CCDC33: variants seen among roughly 807,000 people sequenced by gnomAD.
CCDC33 encodes the protein coiled-coil domain-containing protein 33.
CCDC33 carries 94 observed loss-of-function variants against 91.9 expected under a neutral mutation model. The observed-to-expected ratio is 1.02, with a 90% confidence interval of 0.87 to 1.21. The LOEUF (loss-of-function observed/expected upper bound fraction) is 1.21. Ranked by LOEUF, CCDC33 falls within the 50% of genes most tolerant of loss-of-function variation. The pLI is 0.00. For missense variants in CCDC33, 940 were observed against 935.5 expected (o/e 1.00, Z -0.06); for synonymous variants, 396 against 374.5 (o/e 1.06, Z -0.66).
intron 11 of CCDC33, among the ~76,000 whole-genome samples, chr15:74,322,093 A>T (rs565452657): frequency 1.3e-5 from 2 of 152,132 alleles, no homozygotes; most frequent in Admixed American, 6.5e-5. Flanking sequence ...AAAGTTGGAA[A>T]TTTACCATGA....
chr15:74,329,867 C>G (rs1012068489), intron 11 of CCDC33, among the ~76,000 whole-genome samples: 3 of 152,184 alleles, frequency 2.0e-5, no homozygotes, highest in African/African-American at 4.8e-5. Context: ...CAAACCTGGC[C>G]CTGGATCTTC....
At position 74,218,598 on chromosome 15, in the gene CCDC33, A is replaced by G. The variant is rs1415959269; in HGVS notation, c.412A>G (p.Ile138Val). Residue 138 changes from isoleucine to valine, a missense_variant, in exon 2 of 3, where the codon ATC becomes GTC. By Grantham distance (29) the Ile-to-Val change is conservative. Transcript: ENST00000635913. This position sits in a 1 kb window ranked among gnomAD's most constrained non-coding sequence, Gnocchi z 4.8. ...GGCAGCCCAGCGGGTGGGTGAGGCC[A>G]TCTTCCCCATCTACCCGAGGCCAGA... 1.6e-6 allele frequency: 2 copies of G among 1,289,782 alleles called. No individual in the cohort carries two copies. The highest frequency in any genetic ancestry group is 2.3e-5 in the Admixed American group (1 of 43,566). The allele number at this position is 1,289,782 out of a possible 1,614,324, so 79.9% of individuals were successfully genotyped here.
At chr15:74,247,367 T>TAC (rs2075565913) in intron 2 of CCDC33, among the ~76,000 whole-genome samples, 1 of 53,900 alleles carries the variant, frequency 1.9e-5, no homozygotes, top group Non-Finnish European at 7.3e-5. Flanking sequence ...CATATATATA[T>TAC]ATATACACAC....
upstream of CCDC33, among the ~76,000 whole-genome samples, chr15:74,232,605 A>G (rs967411696): frequency 6.6e-6 from 1 of 152,030 alleles, no homozygotes; most frequent in Admixed American, 6.6e-5. Context: ...GCTGAGTTGG[A>G]TGAGGTGGGA....
At chr15:74,272,960 T>A (rs2076360596) in intron 7 of CCDC33, 69 bp downstream of exon 7, 1 of 1,586,556 alleles carries the variant, frequency 6.3e-7, no homozygotes, top group Admixed American at 1.7e-5. Context: ...ACTCACTCAG[T>A]GAGTCAGTCA....
At chr15:74,306,246 G>T (rs1385370867) in intron 11 of CCDC33, among the ~76,000 whole-genome samples, 1 of 152,200 alleles carries the variant, frequency 6.6e-6, no homozygotes, top group African/African-American at 2.4e-5. Flanking sequence ...GGAGGAGGAT[G>T]TGGTCAGGAC....
chr15:74,324,175 T>G (rs879596081), intron 11 of CCDC33, among the ~76,000 whole-genome samples: 7 of 151,138 alleles, frequency 4.6e-5, no homozygotes, highest in Non-Finnish European at 7.4e-5. Context: ...AGCATGCCTC[T>G]CGAATCACTC....
At chr15:74,294,974 G>A (rs2059655793) in intron 10 of CCDC33, among the ~76,000 whole-genome samples, 1 of 152,182 alleles carries the variant, frequency 6.6e-6, no homozygotes, top group African/African-American at 2.4e-5. Context: ...AACGGGAAAA[G>A]AACATGGAGG....
chr15:74,227,561 G>T (rs565077658), intron 2 of CCDC33, among the ~76,000 whole-genome samples: 4 of 152,184 alleles, frequency 2.6e-5, no homozygotes, highest in Non-Finnish European at 4.4e-5. Context: ...GGATGGAGTT[G>T]GGGCTGTCAG....
chr15:74,221,815 G>A (rs2074605205), intron 2 of CCDC33, among the ~76,000 whole-genome samples: 1 of 152,108 alleles, frequency 6.6e-6, no homozygotes, highest in South Asian at 2.1e-4. Context: ...GAGGCTCAGG[G>A]TGCTTCCTTT....
chr15:74,245,686 G>C (rs1480278917), intron 2 of CCDC33, among the ~76,000 whole-genome samples: 1 of 150,926 alleles, frequency 6.6e-6, no homozygotes, highest in Non-Finnish European at 1.5e-5. Context: ...CTGGGTGGGG[G>C]TTCGGAGAGC....
At chr15:74,259,501 C>G (rs889575305) in intron 2 of CCDC33, among the ~76,000 whole-genome samples, 2 of 152,162 alleles carry the variant, frequency 1.3e-5, no homozygotes, top group Non-Finnish European at 1.5e-5. Context: ...GAGAGCCTCC[C>G]TCCACCTGCT....
chr15:74,309,610 G>A (rs551553469), intron 11 of CCDC33, among the ~76,000 whole-genome samples: 4 of 152,004 alleles, frequency 2.6e-5, no homozygotes, highest in South Asian at 2.1e-4. Flanking sequence ...AGCTTCTGGC[G>A]CCTTTTTTTC....
chr15:74,242,906 G>A (rs911362690), intron 1 of CCDC33, among the ~76,000 whole-genome samples: 3 of 152,034 alleles, frequency 2.0e-5, no homozygotes, highest in Admixed American at 6.6e-5. Flanking sequence ...TGCTGCCTTC[G>A]CTCCAGTGTT....
Position 74,331,107 on chromosome 15 carries a change from G to A in CCDC33, c.1672G>A (p.Glu558Lys). 2 of 1,613,494 alleles carry A rather than the reference G, an allele frequency of 1.2e-6. No individual in the cohort carries two copies. The highest frequency in any genetic ancestry group is 1.1e-5 in the South Asian group (1 of 91,006). The change falls in exon 14 of 19, where the codon GAG (glutamate) becomes AAG (lysine). Residue 558 changes from glutamate to lysine, a missense_variant. Glu to Lys is a moderately conservative substitution (Grantham distance 56). Coordinates refer to ENST00000398814, the MANE Select transcript of CCDC33 (RefSeq NM_025055.5). ...GCTGGAGGAGACTGTGCGGCACCAA[G>A]AGAAGGCAGGTGGCAGAGGGGCTGC... ...KALEETVRHQEKVIEKMERVL... is the reference protein window; with the variant it reads ...KALEETVRHQKKVIEKMERVL...
At chr15:74,221,216 G>GTTTTTTT (rs56039521) in intron 2 of CCDC33, 28 of 676,404 alleles carry the variant, frequency 4.1e-5, no homozygotes, top group South Asian at 1.6e-4. Flanking sequence ...TGTGGCACTG[G>GTTTTTTT]TTTTTTTTTT....
chr15:74,218,941 C>G lies in CCDC33; in HGVS notation c.675+80C>G, dbSNP rs541046462. ...AGCCTCCGTGATAAGCCAGGCTACC[C>G]CCTGTCCTGAGCTGAGCTGAGCAGA... On this transcript the variant is annotated intron_variant, in intron 2 of 2. Transcript: ENST00000635913. This position sits in a 1 kb window ranked among gnomAD's most constrained non-coding sequence, Gnocchi z 4.8. 1.4e-5 allele frequency: 16 copies of G among 1,181,806 alleles called. No homozygotes were observed. The East Asian group carries it at 9.3e-4, about 69-fold the overall frequency. The allele number at this position is 1,181,806 out of a possible 1,614,324, so 73.2% of individuals were successfully genotyped here. A position where few individuals can be genotyped will look rare whatever the true frequency, so the allele number is the denominator to read the frequency against.
At chr15:74,262,848 G>C (rs439668) in intron 3 of CCDC33, among the ~76,000 whole-genome samples, 150,602 of 152,304 alleles carry the variant, frequency 0.99, 74,497 homozygotes, top group East Asian at 1. Flanking sequence ...GCTGTTATTA[G>C]CGCTGTCTCC....
At chr15:74,253,981 C>G (rs1450679053) in intron 2 of CCDC33, among the ~76,000 whole-genome samples, 5 of 151,968 alleles carry the variant, frequency 3.3e-5, no homozygotes, top group Admixed American at 6.5e-5. Flanking sequence ...TCACAAAGTG[C>G]TGACATTACA....
Sources: gnomAD v4.1 joint callset for allele counts (sites outside exome capture counted in the v4.1 genomes callset) on GRCh38, gnomAD v4.1.1 for gene constraint, Gnocchi (gnomAD v3.1) non-coding constraint, MANE v1.5 for transcripts, NCBI Gene and HGNC (gene_info 2026-07-23, HGNC 2026-07-21) for gene names.